Variants in PYGB observed in about 807,000 individuals in gnomAD.
PYGB encodes glycogen phosphorylase, brain form.
Under a neutral mutation model 94.3 loss-of-function variants are expected in PYGB, and 82 were observed. The observed-to-expected ratio is 0.87, with a 90% confidence interval of 0.73 to 1.04. The LOEUF (loss-of-function observed/expected upper bound fraction) is 1.04. Ranked by LOEUF, PYGB falls within the 50% of genes least tolerant of loss-of-function variation. The pLI is 0.00. For missense variants in PYGB, 1,132 were observed against 1,158.2 expected (o/e 0.98, Z 0.33); for synonymous variants, 488 against 479.1 (o/e 1.02, Z -0.24).
chr20:25,269,294 C>T (rs1359625797), intron 3 of PYGB, 87 bp downstream of exon 3: 4 of 1,134,872 alleles, frequency 3.5e-6, no homozygotes, highest in Non-Finnish European at 5.0e-6. Context: ...GGTAAATTGG[C>T]CTCAGGGTAA....
chr20:25,255,934 T>C (rs189928284), intron 1 of PYGB, among the ~76,000 whole-genome samples: 34 of 152,242 alleles, frequency 2.2e-4, no homozygotes, highest in South Asian at 2.1e-3. Context: ...GGTTTCATCA[T>C]GTTGGCCAGG....
rs201566117 is a variant in PYGB at position 25,296,503 on chromosome 20, C to A, written c.2513C>A (p.Pro838His). The A allele has an allele frequency of 1.2e-6, 2 of 1,613,466 alleles. No individual in the cohort carries two copies. Among genetic ancestry groups the A allele is most frequent in the Non-Finnish European group, 1.7e-6 (2 of 1,179,928 alleles). The change falls in exon 20 of 20, where the codon CCC (proline) becomes CAC (histidine). Residue 838 changes from proline to histidine, a missense_variant. Physicochemically the swap from Pro to His is moderately conservative, Grantham distance 77. Transcript: ENST00000216962. ...VEPSDLQIPP[P>H]NIPRD ...CCCTCCGACCTGCAGATCCCGCCCC[C>A]CAACATCCCCCGGGACTAGGCACAC...
At chr20:25,295,451 A>G (rs1354304836) in intron 18 of PYGB, among the ~76,000 whole-genome samples, 153 bp from the exon 19 acceptor site, 1 of 152,276 alleles carries the variant, frequency 6.6e-6, no homozygotes, top group Non-Finnish European at 1.5e-5. Context: ...GGCCTGGTGC[A>G]GCCTGGCTCT....
In PYGB at chr20:25,275,893, T is replaced by C. The variant is rs1244118925; in HGVS notation, c.661-753T>C. ...GGGGTTTTAGTCTTGGTGGCCCCGG[T>C]GCGCCGCCTGTGTGGCTGTCAGAGC... On this transcript the variant is annotated intron_variant, in intron 5 of 19. Transcript: ENST00000216962. Among the ~76,000 whole-genome samples the C allele has an allele frequency of 3.3e-5, 5 of 152,162 alleles. No individual in the cohort carries two copies. In the East Asian group the frequency reaches 9.6e-4, roughly 29 times the overall value.
chr20:25,277,156 C>T, intron 6 of PYGB, 88 bp from the exon 7 acceptor site: 1 of 1,059,380 alleles, frequency 9.4e-7, no homozygotes, highest in East Asian at 2.4e-5. Context: ...GAGCGAGTTT[C>T]CTTGGCCTTT....
In PYGB at chr20:25,296,820, C is replaced by A. The variant is rs1380359116; in HGVS notation, c.*298C>A. On this transcript the variant is annotated 3_prime_UTR_variant, in exon 20 of 20. Coordinates refer to ENST00000216962, the MANE Select transcript of PYGB (RefSeq NM_002862.4). ...AGTGGGAGTCAGGTGGAGCCACCTG[C>A]TGGGCTCCCCCAGAACTTTGCACAC... 4 of 405,944 alleles carry A rather than the reference C, an allele frequency of 9.9e-6. No homozygotes were observed. The highest frequency in any genetic ancestry group is 8.6e-5 in the South Asian group (3 of 34,914). The allele number at this position is 405,944 out of a possible 1,614,324, so 25.1% of individuals were successfully genotyped here. A position where few individuals can be genotyped will look rare whatever the true frequency, so the allele number is the denominator to read the frequency against.
At chr20:25,268,702 A>G (rs1470815541) in intron 2 of PYGB, among the ~76,000 whole-genome samples, 1 of 152,212 alleles carries the variant, frequency 6.6e-6, no homozygotes, top group Non-Finnish European at 1.5e-5. Flanking sequence ...TTAAGTGTCA[A>G]TCGTGATTTT....
chr20:25,265,752 G>T (rs1444310809), intron 2 of PYGB, among the ~76,000 whole-genome samples: 2 of 151,970 alleles, frequency 1.3e-5, no homozygotes, highest in Admixed American at 6.6e-5. Context: ...CTGCCACCAC[G>T]CCCGGCTAAT....
Position 25,296,934 on chromosome 20 carries a change from G to A in PYGB, c.*412G>A, listed in dbSNP as rs2088556132. ...TGGCCATAGTGAAGCCTGGGAATGA[G>A]TGTTACTGCAGCATCTGGGCTGCCA... On this transcript the variant is annotated 3_prime_UTR_variant, in exon 20 of 20. Transcript: ENST00000216962. The A allele has an allele frequency of 5.7e-6, 1 of 175,074 alleles. No individual in the cohort carries two copies. The highest frequency in any genetic ancestry group is 1.8e-4 in the East Asian group (1 of 5,686). The allele number at this position is 175,074 out of a possible 1,614,324, so 10.8% of individuals were successfully genotyped here. A position where few individuals can be genotyped will look rare whatever the true frequency, so the allele number is the denominator to read the frequency against.
At position 25,292,413 on chromosome 20, in the gene PYGB, G is replaced by C; in HGVS notation, c.1977G>C (p.Pro659=). The C allele has an allele frequency of 6.2e-7, 1 of 1,612,982 alleles. No individual in the cohort carries two copies. Among genetic ancestry groups the C allele is most frequent in the Non-Finnish European group, 8.5e-7 (1 of 1,179,976 alleles). ...ACGGGCTCCCCTCCACAGTGATCCC[G>C]GCCGCTGATCTGTCGCAGCAGATCT... ...YRVSLAEKVI[P]AADLSQQIST... is the part of the protein sequence containing the mutation. The change falls in exon 17 of 20, where the codon CCG becomes CCC. Residue 659 remains proline (P), a synonymous_variant. Coordinates refer to ENST00000216962, the MANE Select transcript of PYGB (RefSeq NM_002862.4).
In PYGB at chr20:25,259,261, T is replaced by G. The variant is rs199834236; in HGVS notation, c.268T>G (p.Phe90Val). 8.1e-6 allele frequency: 13 copies of G among 1,608,412 alleles called. No homozygotes were observed. ...GCGCATTTATTATCTTTCCCTGGAA[T>G]TCTACATGGGTCGCACGCTGCAGAA... ...PKRIYYLSLE[F>V]YMGRTLQNTM... Residue 90 changes from phenylalanine to valine, a missense_variant, in exon 2 of 20, where the codon TTC becomes GTC. Transcript: ENST00000216962.
chr20:25,261,396 C>G (rs1422788130), intron 2 of PYGB, among the ~76,000 whole-genome samples: 1 of 152,164 alleles, frequency 6.6e-6, no homozygotes, highest in Non-Finnish European at 1.5e-5. Context: ...CCAGCAAACT[C>G]CAGCAGACCT....
chr20:25,275,377 C>T lies in PYGB; in HGVS notation c.660+654C>T, dbSNP rs113189330. Among the ~76,000 whole-genome samples, 1,102 of 152,290 alleles carry T rather than the reference C, an allele frequency of 7.2e-3. 5 individuals carry two copies. Among genetic ancestry groups the T allele is most frequent in the Middle Eastern group, 0.02 (6 of 294 alleles). The stretch of plus-strand genomic sequence containing the variant: ...GTCCAGGCTCCGGGCAGCTGTAAGC[C>T]GGGATGACTGGGGCAGGGCAGGGGC... On this transcript the variant is annotated intron_variant, in intron 5 of 19. Transcript: ENST00000216962.
At chr20:25,292,642 C>A in intron 17 of PYGB, 29 bp downstream of exon 17, 1 of 1,601,578 alleles carries the variant, frequency 6.2e-7, no homozygotes, top group Non-Finnish European at 8.5e-7. Flanking sequence ...GGGCACCTGG[C>A]ACCGTGAGGA....
intron 1 of PYGB, among the ~76,000 whole-genome samples, chr20:25,252,484 C>T (rs2092890826): frequency 1.3e-5 from 2 of 152,230 alleles, no homozygotes; most frequent in Non-Finnish European, 2.9e-5. Context: ...TCCCACAAGA[C>T]TTCTCCACCC....
At chr20:25,281,227 G>T (rs2088364518) in intron 11 of PYGB, 115 bp downstream of exon 11, 3 of 1,358,784 alleles carry the variant, frequency 2.2e-6, no homozygotes, top group Non-Finnish European at 3.0e-6. Context: ...TGTGCCACTA[G>T]GCCCCTGCCT....
intron 9 of PYGB, among the ~76,000 whole-genome samples, chr20:25,279,895 C>A (rs915628982): frequency 3.3e-5 from 5 of 152,162 alleles, no homozygotes; most frequent in African/African-American, 9.7e-5. Flanking sequence ...TAACCAGTGT[C>A]CTCCCCACCA....
At chr20:25,287,706 G>T (rs774732401) in intron 14 of PYGB, among the ~76,000 whole-genome samples, 25 of 152,052 alleles carry the variant, frequency 1.6e-4, no homozygotes, top group African/African-American at 6.0e-4. Flanking sequence ...AGTGCGAGGC[G>T]CGGTAGCTCA....
In PYGB at chr20:25,283,131, C is replaced by T. The variant is rs747250224; in HGVS notation, c.1519-45C>T. 2.6e-6 allele frequency: 4 copies of T among 1,519,748 alleles called. No individual in the cohort carries two copies. The South Asian group carries it at 4.5e-5, about 17-fold the overall frequency. The allele number at this position is 1,519,748 out of a possible 1,614,324, so 94.1% of individuals were successfully genotyped here. A position where few individuals can be genotyped will look rare whatever the true frequency, so the allele number is the denominator to read the frequency against. On this transcript the variant is annotated intron_variant, in intron 12 of 19. Transcript: ENST00000216962. ...GGCAGGTGGCTAGGGGGCCCAGCCTCAGGAGGCTGAGGCCCACAGTGAGCG... is the reference window on the plus strand; with the variant it reads ...GGCAGGTGGCTAGGGGGCCCAGCCTTAGGAGGCTGAGGCCCACAGTGAGCG...
Sources: gnomAD v4.1 joint callset for allele counts (sites outside exome capture counted in the v4.1 genomes callset) on GRCh38, gnomAD v4.1.1 for gene constraint, MANE v1.5 for transcripts, NCBI Gene and HGNC (gene_info 2026-07-23, HGNC 2026-07-21) for gene names.